Variants in COPB1 observed in about 807,000 individuals in gnomAD.
The protein encoded by COPB1 is coatomer subunit beta.
A neutral mutation model predicts 108.7 loss-of-function variants in COPB1; 21 were observed. That is an observed-to-expected ratio of 0.19 (90% CI 0.14 to 0.28). COPB1 has a LOEUF of 0.28. Among genes scored for constraint, COPB1 ranks in the 10% least tolerant of loss-of-function variants. The pLI is 1.00. For missense variants in COPB1, 919 were observed against 1,141.3 expected (o/e 0.81, Z 2.81); for synonymous variants, 378 against 386.8 (o/e 0.98, Z 0.27).
intron 14 of COPB1, among the ~76,000 whole-genome samples, chr11:14,473,427 T>A (rs1850451325): frequency 6.6e-6 from 1 of 152,212 alleles, no homozygotes; most frequent in Non-Finnish European, 1.5e-5. Flanking sequence ...TAAGTTTAAT[T>A]ATTTCTCACT....
chr11:14,458,763 C>CCT, intron 20 of COPB1, 76 bp from the exon 21 acceptor site: 1 of 795,740 alleles, frequency 1.3e-6, no homozygotes. Context: ...GCATAGGTGA[C>CCT]TTTTTTTTTT....
At chr11:14,476,883 A>G (rs367809456) in intron 12 of COPB1, 36 bp downstream of exon 12, 5 of 1,323,852 alleles carry the variant, frequency 3.8e-6, no homozygotes, top group Non-Finnish European at 2.2e-6. Context: ...AGGAAAAATT[A>G]CCATATAAAC....
At chr11:14,479,536 T>C in intron 11 of COPB1, 33 bp downstream of exon 11, 1 of 1,575,926 alleles carries the variant, frequency 6.3e-7, no homozygotes, top group South Asian at 1.2e-5. Flanking sequence ...AAATGCTTAC[T>C]TGACCTTACA....
chr11:14,479,729 A>T lies in COPB1; in HGVS notation c.1213-15T>A, dbSNP rs368827871. ...AATTCCATTAACTAAAAGAAAAAAA[A>T]AAAAAAGAAAATGGAACTAACAATT... is the stretch of plus-strand genomic sequence containing the variant. On this transcript the variant is annotated splice_polypyrimidine_tract_variant and intron_variant, in intron 10 of 21. Coordinates refer to ENST00000439561, the MANE Select transcript of COPB1 (RefSeq NM_001144061.2). 86 of 1,553,154 alleles carry T rather than the reference A, an allele frequency of 5.5e-5. No homozygotes were observed. Among genetic ancestry groups the T allele is most frequent in the Non-Finnish European group, 2.8e-5 (32 of 1,155,080 alleles).
At chr11:14,481,761 CAT>C (rs1238951110) in intron 8 of COPB1, among the ~76,000 whole-genome samples, 1 of 152,180 alleles carries the variant, frequency 6.6e-6, no homozygotes, top group Non-Finnish European at 1.5e-5. Flanking sequence ...CCTTCACCTA[CAT>C]TCACCAGTTA....
intron 10 of COPB1, 49 bp downstream of exon 10, chr11:14,480,710 A>T (rs1850642582): frequency 6.4e-7 from 1 of 1,558,414 alleles, no homozygotes; most frequent in African/African-American, 1.4e-5. Context: ...ATATTTTTTA[A>T]AAAATTCTTT....
intron 16 of COPB1, among the ~76,000 whole-genome samples, chr11:14,466,959 C>T (rs1850295066): frequency 6.6e-6 from 1 of 152,072 alleles, no homozygotes. Context: ...TGCCCTCCCA[C>T]TCCAAATTTA....
intron 8 of COPB1, among the ~76,000 whole-genome samples, chr11:14,482,478 T>C (rs577789722): frequency 8.2e-4 from 125 of 152,322 alleles, no homozygotes; most frequent in African/African-American, 2.6e-3. Flanking sequence ...TCGCTAAGAA[T>C]AGTCAATACA....
At chr11:14,480,721 T>C (rs1417017530) in intron 10 of COPB1, 38 bp downstream of exon 10, 1 of 1,581,784 alleles carries the variant, frequency 6.3e-7, no homozygotes, top group African/African-American at 1.4e-5. Flanking sequence ...AAAATTCTTT[T>C]AGATAATTTC....
At chr11:14,487,211 A>T (rs1446261407) in intron 6 of COPB1, among the ~76,000 whole-genome samples, 1 of 152,184 alleles carries the variant, frequency 6.6e-6, no homozygotes, top group Non-Finnish European at 1.5e-5. Flanking sequence ...TTTTGAAGTC[A>T]GTATTTGTAG....
chr11:14,460,142 T>C (rs1213008548), intron 20 of COPB1, 66 bp downstream of exon 20: 10 of 979,006 alleles, frequency 1.0e-5, no homozygotes, highest in Admixed American at 9.5e-5. Flanking sequence ...CTAGAGGAAA[T>C]ACAGGAAGGC....
At chr11:14,496,121 T>C (rs1199903799) in intron 2 of COPB1, among the ~76,000 whole-genome samples, 1 of 152,220 alleles carries the variant, frequency 6.6e-6, no homozygotes, top group Non-Finnish European at 1.5e-5. Context: ...AACTGCAAAC[T>C]ATCTTCTAAA....
intron 3 of COPB1, 24 bp downstream of exon 3, chr11:14,494,186 A>G: frequency 6.7e-7 from 1 of 1,488,238 alleles, no homozygotes; most frequent in Non-Finnish European, 9.3e-7. Flanking sequence ...AGCAATATTC[A>G]GAAATAATTA....
intron 20 of COPB1, 110 bp from the exon 21 acceptor site, chr11:14,458,797 T>C: frequency 9.9e-7 from 1 of 1,009,640 alleles, no homozygotes; most frequent in South Asian, 1.8e-5. Flanking sequence ...AGAGTCTCAC[T>C]CTGTTGTCCA....
At chr11:14,494,123 A>T (rs572665395) in intron 3 of COPB1, 87 bp downstream of exon 3, 10 of 906,544 alleles carry the variant, frequency 1.1e-5, no homozygotes, top group African/African-American at 1.0e-4. Flanking sequence ...TCAAAGACTC[A>T]ATTTTAACAA....
intron 6 of COPB1, among the ~76,000 whole-genome samples, chr11:14,487,243 T>C (rs2134121205): frequency 6.6e-6 from 1 of 152,364 alleles, no homozygotes; most frequent in South Asian, 2.1e-4. Flanking sequence ...AAAATATATA[T>C]AGTCAAAACT....
chr11:14,483,243 C>T (rs1453333179), intron 7 of COPB1, 92 bp from the exon 8 acceptor site: 6 of 669,136 alleles, frequency 9.0e-6, no homozygotes, highest in Non-Finnish European at 1.4e-5. Flanking sequence ...CACACACACA[C>T]ACACACACAC....
intron 14 of COPB1, 69 bp downstream of exon 14, chr11:14,474,426 C>CA (rs1183834258): frequency 4.3e-5 from 61 of 1,425,466 alleles, no homozygotes; most frequent in Non-Finnish European, 5.7e-5. Flanking sequence ...TTGAGTCCCT[C>CA]ACTGTTCAAT....
chr11:14,481,395 AAG>A (rs762608922), intron 8 of COPB1, among the ~76,000 whole-genome samples: 4 of 152,244 alleles, frequency 2.6e-5, no homozygotes, highest in East Asian at 3.8e-4. Flanking sequence ...TAAACAACGT[AAG>A]AAAGTAGCCA....
Sources: allele counts gnomAD v4.1 joint callset (sites outside exome capture counted in the v4.1 genomes callset), GRCh38; gene constraint gnomAD v4.1.1; transcripts MANE v1.5; gene names NCBI Gene and HGNC (gene_info 2026-07-23, HGNC 2026-07-21).